The following ROBO1 variants were observed in gnomAD, a reference collection of about 807,000 sequenced individuals.
ROBO1 encodes roundabout homolog 1.
ROBO1 carries 149 observed loss-of-function variants against 195.9 expected under a neutral mutation model. The observed-to-expected ratio is 0.76, with a 90% CI of 0.67 to 0.87. ROBO1 has a LOEUF of 0.87. ROBO1 is among the 40% of genes least tolerant of loss of function. The pLI is 0.00. For synonymous variants in ROBO1, 816 were observed against 733.2 expected (o/e 1.11, Z -1.82); for missense variants, 1,933 against 2,068.3 (o/e 0.93, Z 1.27).
chr3:79,060,548 A>G (rs929078341), intron 3 of ROBO1, among the ~76,000 whole-genome samples: 13 of 151,920 alleles, frequency 8.6e-5, no homozygotes, highest in Non-Finnish European at 1.8e-4. Flanking sequence ...ACACTTAGGG[A>G]AAACAGAAAA....
At chr3:79,247,649 A>G (rs2082649171) in intron 2 of ROBO1, among the ~76,000 whole-genome samples, 1 of 152,052 alleles carries the variant, frequency 6.6e-6, no homozygotes, top group African/African-American at 2.4e-5. Context: ...AATAGCCTAA[A>G]ATCTCATTTC....
Position 78,649,704 on chromosome 3 carries a change from T to A in ROBO1, c.2812+2028A>T, listed in dbSNP as rs1408541366. 2.0e-5 allele frequency among the ~76,000 whole-genome samples: 3 copies of A among 152,092 alleles called. No individual in the cohort carries two copies. In the East Asian group the frequency reaches 5.8e-4, roughly 29 times the overall value. On this transcript the variant is annotated intron_variant, in intron 19 of 30. Transcript: ENST00000464233. ...ATGAAAATGTGCCAACAGGACAAAG[T>A]GAAGAAAGCAGAATCAAATGCTCAT...
chr3:79,700,317 T>TTGTGTGTGTGTGTGTGTGTGTG (rs71130610), intron 1 of ROBO1, among the ~76,000 whole-genome samples: 8 of 144,248 alleles, frequency 5.5e-5, no homozygotes, highest in East Asian at 2.1e-4. Context: ...GTGTGTGTGT[T>TTGTGTGTGTGTGTGTGTGTGTG]TGTGTGTGTG....
intron 3 of ROBO1, among the ~76,000 whole-genome samples, chr3:79,059,509 G>C (rs528696759): frequency 7.8e-4 from 118 of 152,170 alleles, no homozygotes; most frequent in Admixed American, 3.0e-3. Context: ...AAAGGAAAGA[G>C]AGCGATGTTG....
chr3:79,605,737 T>G (rs535588206), intron 1 of ROBO1, among the ~76,000 whole-genome samples: 2 of 151,980 alleles, frequency 1.3e-5, no homozygotes, highest in Non-Finnish European at 2.9e-5. Context: ...ATTGCATCTC[T>G]AAATTATCAA....
intron 2 of ROBO1, among the ~76,000 whole-genome samples, chr3:79,337,059 C>A (rs577302793): frequency 3.9e-5 from 6 of 152,202 alleles, no homozygotes; most frequent in Non-Finnish European, 7.3e-5. Flanking sequence ...TACTCAATGC[C>A]TGTACCTCCA....
intron 3 of ROBO1, among the ~76,000 whole-genome samples, chr3:78,950,758 GA>G (rs1364025457): frequency 2.6e-5 from 4 of 151,182 alleles, no homozygotes; most frequent in Non-Finnish European, 5.9e-5. Context: ...CCCATGCACA[GA>G]ATATCCATCT....
intron 21 of ROBO1, among the ~76,000 whole-genome samples, chr3:78,640,933 C>G (rs1705907021): frequency 6.6e-6 from 1 of 152,088 alleles, no homozygotes. Flanking sequence ...GGTTCTTATT[C>G]TAGCACATAG....
At chr3:78,981,539 G>A (rs1209371076) in intron 3 of ROBO1, among the ~76,000 whole-genome samples, 1 of 152,074 alleles carries the variant, frequency 6.6e-6, no homozygotes. Flanking sequence ...TCACATTACT[G>A]AGAAACAGAT....
At chr3:79,404,979 G>T (rs900911100) in intron 2 of ROBO1, among the ~76,000 whole-genome samples, 5 of 151,976 alleles carry the variant, frequency 3.3e-5, no homozygotes, top group African/African-American at 1.2e-4. Context: ...AAAAATAATG[G>T]TTTTTAATAT....
intron 2 of ROBO1, among the ~76,000 whole-genome samples, chr3:79,256,653 A>G: frequency 6.6e-6 from 1 of 152,210 alleles, no homozygotes; most frequent in East Asian, 1.9e-4. Context: ...TGATGAACTC[A>G]TAAGACTTAA....
chr3:78,808,438 C>T (rs1337838611), intron 4 of ROBO1, among the ~76,000 whole-genome samples: 2 of 152,020 alleles, frequency 1.3e-5, no homozygotes, highest in African/African-American at 2.4e-5. Flanking sequence ...CTCCTGAACT[C>T]GTGATCCACC....
intron 1 of ROBO1, among the ~76,000 whole-genome samples, chr3:79,629,743 G>T (rs1033137013): frequency 6.6e-6 from 1 of 151,832 alleles, no homozygotes; most frequent in Non-Finnish European, 1.5e-5. Flanking sequence ...TAGACCACTA[G>T]CTAAATCAAG....
intron 3 of ROBO1, among the ~76,000 whole-genome samples, chr3:78,943,190 T>G (rs544157513): frequency 6.6e-6 from 1 of 152,296 alleles, no homozygotes; most frequent in South Asian, 2.1e-4. Context: ...CACTCCAGCC[T>G]GGGCGACAGA....
chr3:78,860,140 T>TAGATAGATAGATAGATAGATAGAG (rs2034714829), intron 4 of ROBO1, among the ~76,000 whole-genome samples: 2 of 40,444 alleles, frequency 4.9e-5, no homozygotes. Context: ...GGTAGATAGG[T>TAGATAGATAGATAGATAGATAGAG]AGATAGATAG....
intron 3 of ROBO1, among the ~76,000 whole-genome samples, chr3:78,961,233 G>C (rs1487596410): frequency 6.6e-6 from 1 of 151,898 alleles, no homozygotes; most frequent in Admixed American, 6.6e-5. Context: ...TACAACAATT[G>C]TAAATTTTTC....
At chr3:79,564,152 C>CA (rs11294278) in intron 2 of ROBO1, among the ~76,000 whole-genome samples, 20 of 150,630 alleles carry the variant, frequency 1.3e-4, no homozygotes, top group Admixed American at 5.3e-4. Flanking sequence ...GACTGAATAA[C>CA]AAAAAAAAAG....
At chr3:79,696,513 G>A (rs2107125182) in intron 1 of ROBO1, among the ~76,000 whole-genome samples, 1 of 149,972 alleles carries the variant, frequency 6.7e-6, no homozygotes, top group East Asian at 2.0e-4. Context: ...AGGTATAGAA[G>A]GAAAAAAGAC....
intron 2 of ROBO1, among the ~76,000 whole-genome samples, chr3:79,345,850 C>CT (rs927606537): frequency 5.3e-5 from 8 of 152,088 alleles, no homozygotes; most frequent in African/African-American, 1.7e-4. Context: ...AACATGGTGG[C>CT]TTTTTCTCTC....
Sources: allele counts gnomAD v4.1 joint callset (sites outside exome capture counted in the v4.1 genomes callset), GRCh38; gene constraint gnomAD v4.1.1; transcripts MANE v1.5; gene names NCBI Gene and HGNC (gene_info 2026-07-23, HGNC 2026-07-21).